MED12L: variants seen among roughly 807,000 people sequenced by gnomAD.
MED12L encodes mediator of RNA polymerase II transcription subunit 12-like protein.
Under a neutral mutation model 281.3 loss-of-function variants are expected in MED12L, and 60 were observed. The observed-to-expected ratio is 0.21, with a 90% CI of 0.17 to 0.26. The LOEUF is 0.26. Among genes scored for constraint, MED12L ranks in the 10% least tolerant of loss-of-function variants. The pLI, the probability that MED12L is intolerant of heterozygous loss-of-function variation, is 1.00. For missense variants in MED12L, 2,146 were observed against 2,680.9 expected (o/e 0.80, Z 4.41); for synonymous variants, 974 against 987.2 (o/e 0.99, Z 0.25).
chr3:151,186,965 C>T (rs139935742), intron 12 of MED12L, among the ~76,000 whole-genome samples: 1 of 152,256 alleles, frequency 6.6e-6, no homozygotes, highest in Non-Finnish European at 1.5e-5. Flanking sequence ...AGCTGGCTCT[C>T]TGTGTTGCTG....
intron 11 of MED12L, among the ~76,000 whole-genome samples, chr3:151,178,157 CAAAAAAAAAAA>C (rs10572929): frequency 2.0e-4 from 10 of 49,124 alleles, no homozygotes; most frequent in African/African-American, 2.6e-4. Context: ...GACTTGGTCT[CAAAAAAAAAAA>C]AAAAAAAAAA....
chr3:151,325,932 G>T (rs1010330425), intron 16 of MED12L, among the ~76,000 whole-genome samples: 1 of 152,156 alleles, frequency 6.6e-6, no homozygotes, highest in African/African-American at 2.4e-5. Flanking sequence ...GGATTTAGTG[G>T]CATCCCTAAT....
intron 39 of MED12L, among the ~76,000 whole-genome samples, chr3:151,406,805 T>C (rs951576979): frequency 2.0e-5 from 3 of 148,110 alleles, no homozygotes; most frequent in South Asian, 2.1e-4. Flanking sequence ...TCTTCTTCTT[T>C]TTTTTTTTTT....
In MED12L at chr3:151,385,013, C is replaced by T. The variant is rs201767487; in HGVS notation, c.4927-17C>T. ...CTGTCCCACTTCTCACTCTCTCTCT[C>T]TCTCTTTTTTCTTTAGAAAGAGCTA... On this transcript the variant is annotated splice_polypyrimidine_tract_variant and intron_variant, in intron 35 of 44. Coordinates refer to ENST00000687756, the MANE Select transcript of MED12L (RefSeq NM_001393769.1). The T allele has an allele frequency of 7.6e-7, 1 of 1,316,470 alleles. No homozygotes were observed. Among genetic ancestry groups the T allele is most frequent in the East Asian group, 2.3e-5 (1 of 43,234 alleles). 81.5% of individuals were successfully genotyped at this position (1,316,470 alleles called of 1,614,324 possible). A position where few individuals can be genotyped will look rare whatever the true frequency, so the allele number is the denominator to read the frequency against.
chr3:151,173,761 A>G (rs1276590889), intron 11 of MED12L, among the ~76,000 whole-genome samples: 1 of 152,274 alleles, frequency 6.6e-6, no homozygotes, highest in Non-Finnish European at 1.5e-5. Flanking sequence ...GGCCTTACTA[A>G]TAGAATCCAC....
intron 43 of MED12L, among the ~76,000 whole-genome samples, chr3:151,427,368 T>C (rs1718993303): frequency 6.6e-6 from 1 of 152,182 alleles, no homozygotes; most frequent in Non-Finnish European, 1.5e-5. Flanking sequence ...GACTATGTAC[T>C]ACCTCTTAAG....
intron 1 of MED12L, among the ~76,000 whole-genome samples, chr3:151,086,190 G>C (rs955815423): frequency 6.6e-6 from 1 of 152,182 alleles, no homozygotes; most frequent in Non-Finnish European, 1.5e-5. Context: ...AGCCGCCGAG[G>C]GGACCGTAGC....
chr3:151,187,082 A>C (rs777422771), intron 12 of MED12L, among the ~76,000 whole-genome samples: 5 of 152,194 alleles, frequency 3.3e-5, no homozygotes, highest in Non-Finnish European at 5.9e-5. Flanking sequence ...AAAACGAAAG[A>C]TCATATTGTT....
chr3:151,394,794 T>C lies in MED12L; in HGVS notation c.5747T>C (p.Ile1916Thr). The C allele has an allele frequency of 6.2e-7, 1 of 1,614,184 alleles. No individual in the cohort carries two copies. The highest frequency in any genetic ancestry group is 1.1e-5 in the South Asian group (1 of 91,092). ...LHAITSQQQLIQMKLLQQQQQ... is the reference protein window; with the variant it reads ...LHAITSQQQLTQMKLLQQQQQ... ...GCAATCACATCGCAGCAGCAGTTGA[T>C]ACAGATGAAGCTTCTGCAGCAGCAG... is the stretch of plus-strand genomic sequence containing the variant. Residue 1916 changes from isoleucine (I) to threonine (T), a missense_variant, in exon 39 of 45, where the codon ATA becomes ACA. By Grantham distance (89) the Ile-to-Thr change is moderately conservative. Transcript: ENST00000687756.
chr3:151,162,185 T>G (rs1422928587), intron 8 of MED12L, among the ~76,000 whole-genome samples: 1 of 152,088 alleles, frequency 6.6e-6, no homozygotes. Context: ...ATCAGTGCCC[T>G]GGGTATTAGA....
intron 12 of MED12L, among the ~76,000 whole-genome samples, chr3:151,186,697 A>G (rs1334327893): frequency 1.3e-5 from 2 of 152,162 alleles, no homozygotes; most frequent in Non-Finnish European, 2.9e-5. Flanking sequence ...AAGGTCTTCC[A>G]TCACCACGTG....
At chr3:151,381,299 G>A (rs145026705) in intron 32 of MED12L, among the ~76,000 whole-genome samples, 303 of 152,024 alleles carry the variant, frequency 2.0e-3, no homozygotes, top group South Asian at 7.9e-3. Flanking sequence ...TCACCTTTTG[G>A]GTAGGAGAGA....
intron 16 of MED12L, among the ~76,000 whole-genome samples, chr3:151,271,874 A>T (rs1230293160): frequency 6.6e-6 from 1 of 152,244 alleles, no homozygotes; most frequent in African/African-American, 2.4e-5. Flanking sequence ...CCTAGAAAAG[A>T]GAATGATGAA....
intron 11 of MED12L, among the ~76,000 whole-genome samples, chr3:151,172,027 A>G (rs1560118158): frequency 2.0e-5 from 3 of 152,206 alleles, no homozygotes; most frequent in Non-Finnish European, 4.4e-5. Context: ...AAGCACCCCT[A>G]TAAGATTTGG....
At chr3:151,398,433 CT>C (rs1466100036) in intron 39 of MED12L, among the ~76,000 whole-genome samples, 3 of 152,188 alleles carry the variant, frequency 2.0e-5, no homozygotes, top group Non-Finnish European at 4.4e-5. Context: ...TCTAGTTCCA[CT>C]GCAGAGATTG....
intron 16 of MED12L, among the ~76,000 whole-genome samples, chr3:151,348,639 T>C (rs554464596): frequency 2.0e-5 from 3 of 151,122 alleles, no homozygotes; most frequent in African/African-American, 7.3e-5. Context: ...GGGTGGGGAA[T>C]AGATAGATTG....
intron 43 of MED12L, among the ~76,000 whole-genome samples, chr3:151,429,689 T>C (rs924091834): frequency 6.6e-6 from 1 of 152,172 alleles, no homozygotes; most frequent in African/African-American, 2.4e-5. Context: ...ATCTGATTCT[T>C]CCTACAGAGC....
At chr3:151,105,464 G>A (rs1020352123) in intron 2 of MED12L, among the ~76,000 whole-genome samples, 4 of 152,038 alleles carry the variant, frequency 2.6e-5, no homozygotes, top group South Asian at 4.2e-4. Flanking sequence ...CAGGTCACCC[G>A]GAATGGCCAT....
chr3:151,178,217 G>GC (rs1237680759), intron 11 of MED12L, among the ~76,000 whole-genome samples: 2 of 144,906 alleles, frequency 1.4e-5, no homozygotes, highest in African/African-American at 2.6e-5. Flanking sequence ...GCCTGTTTCT[G>GC]CCCCATGAAG....
Sources: allele counts gnomAD v4.1 joint callset (sites outside exome capture counted in the v4.1 genomes callset), GRCh38; gene constraint gnomAD v4.1.1; transcripts MANE v1.5; gene names NCBI Gene and HGNC (gene_info 2026-07-23, HGNC 2026-07-21).